Variants in COL23A1 observed in about 807,000 individuals in gnomAD.
COL23A1 encodes the protein collagen alpha-1(XXIII) chain.
In COL23A1, 97 loss-of-function variants were observed where a neutral mutation model predicts 99.3. The observed-to-expected ratio is 0.98, with a 90% confidence interval of 0.83 to 1.16. The LOEUF (loss-of-function observed/expected upper bound fraction) is 1.16. COL23A1 is among the 50% of genes most tolerant of loss of function. The probability of loss-of-function intolerance (pLI) is 0.00; values close to 1 mark genes in which losing one functional copy is unlikely to be tolerated. For missense variants in COL23A1, 762 were observed against 757.4 expected (o/e 1.01, Z -0.07); for synonymous variants, 320 against 308.2 (o/e 1.04, Z -0.40).
chr5:178,547,599 C>CCA (rs137877653), intron 2 of COL23A1, among the ~76,000 whole-genome samples: 11 of 8,002 alleles, frequency 1.4e-3, no homozygotes, highest in East Asian at 7.7e-3. Flanking sequence ...CCACAACCAC[C>CCA]CACACACACA....
chr5:178,272,739 C>T (rs1756361884), intron 5 of COL23A1, among the ~76,000 whole-genome samples: 1 of 152,160 alleles, frequency 6.6e-6, no homozygotes, highest in Admixed American at 6.5e-5. Context: ...GGCCCTGCCC[C>T]TTGTCCCCCT....
intron 2 of COL23A1, among the ~76,000 whole-genome samples, chr5:178,318,173 G>T (rs915661365): frequency 3.3e-5 from 5 of 152,374 alleles, no homozygotes; most frequent in African/African-American, 1.2e-4. Context: ...AGGCCCTCTT[G>T]TTCATGTTTC....
intron 2 of COL23A1, among the ~76,000 whole-genome samples, chr5:178,461,886 T>C (rs971629857): frequency 1.3e-5 from 2 of 152,166 alleles, no homozygotes; most frequent in Non-Finnish European, 2.9e-5. Context: ...ACACAGACAA[T>C]GAATTCTACA....
At chr5:178,549,543 C>T (rs958684660) in intron 2 of COL23A1, among the ~76,000 whole-genome samples, 9 of 152,182 alleles carry the variant, frequency 5.9e-5, no homozygotes, top group Non-Finnish European at 2.9e-5. Context: ...TGGCCAGGCA[C>T]GATGGCTCAT....
intron 4 of COL23A1, among the ~76,000 whole-genome samples, chr5:178,289,016 G>A (rs938184047): frequency 1.3e-5 from 2 of 152,016 alleles, no homozygotes; most frequent in African/African-American, 4.8e-5. Context: ...CCGGCGTTAG[G>A]TACTTCAGCA....
intron 2 of COL23A1, among the ~76,000 whole-genome samples, chr5:178,493,687 C>T (rs192397275): frequency 1.2e-4 from 18 of 152,346 alleles, no homozygotes; most frequent in African/African-American, 4.1e-4. Flanking sequence ...CATTCAGGCC[C>T]GGGTAGGCCA....
chr5:178,354,988 G>A (rs937470045), intron 2 of COL23A1, among the ~76,000 whole-genome samples: 2 of 151,752 alleles, frequency 1.3e-5, no homozygotes, highest in Non-Finnish European at 2.9e-5. Flanking sequence ...AAACCGGGAG[G>A]CGGAGGTTGC....
At chr5:178,275,614 T>C (rs1756539929) in intron 5 of COL23A1, among the ~76,000 whole-genome samples, 1 of 152,132 alleles carries the variant, frequency 6.6e-6, no homozygotes, top group South Asian at 2.1e-4. Context: ...TCGGAACTGT[T>C]TTCCTGCTGC....
Position 178,434,616 on chromosome 5 carries a change from C to A in COL23A1, c.361+126066G>T. Among the ~76,000 whole-genome samples the A allele has an allele frequency of 6.6e-6, 1 of 152,206 alleles. No homozygotes were observed. The highest frequency in any genetic ancestry group is 1.5e-5 in the Non-Finnish European group (1 of 68,042). On this transcript the variant is annotated intron_variant, in intron 2 of 28. Transcript: ENST00000390654. The surrounding 1 kb of genome is among the most constrained non-coding windows in gnomAD (Gnocchi z 4.3). Reference sequence around the variant, plus strand: ...CCCAGCTGGGCGCCTGGCCTTGCATCCCAGGTGGGTAATCTGGAGACAGTG... The same window carrying A: ...CCCAGCTGGGCGCCTGGCCTTGCATACCAGGTGGGTAATCTGGAGACAGTG...
chr5:178,350,148 C>T (rs966571109), intron 2 of COL23A1, among the ~76,000 whole-genome samples: 7 of 152,256 alleles, frequency 4.6e-5, no homozygotes, highest in African/African-American at 7.2e-5. Context: ...CACTTTCCCA[C>T]GCAGTCAGCT....
intron 2 of COL23A1, among the ~76,000 whole-genome samples, chr5:178,382,377 T>C (rs571091457): frequency 2.6e-5 from 4 of 152,148 alleles, no homozygotes; most frequent in African/African-American, 9.7e-5. Context: ...AGTGTTAATA[T>C]ATATGGACAG....
chr5:178,456,166 A>C (rs932565712), intron 2 of COL23A1, among the ~76,000 whole-genome samples: 7 of 152,210 alleles, frequency 4.6e-5, no homozygotes, highest in Non-Finnish European at 1.0e-4. Context: ...CCTTCCCTCA[A>C]CCTTGCCACC....
chr5:178,549,082 G>A (rs1007147009), intron 2 of COL23A1, among the ~76,000 whole-genome samples: 1 of 152,036 alleles, frequency 6.6e-6, no homozygotes, highest in African/African-American at 2.4e-5. Flanking sequence ...TGCAACCTCC[G>A]CTTCCCAGGT....
rs114450550 is a variant in COL23A1, at chr5:178,280,446, C to T, written c.441+7878G>A. ...GGGGCCAGGGACGTGCCTGAGGCCA[C>T]ATGGACTATAGACCCCTGGGCCCAT... On this transcript the variant is annotated intron_variant, in intron 5 of 28. Transcript: ENST00000390654. This position sits in a 1 kb window ranked among gnomAD's most constrained non-coding sequence, Gnocchi z 4.9. Among the ~76,000 whole-genome samples, 563 of 152,284 alleles carry T rather than the reference C, an allele frequency of 3.7e-3. 7 individuals carry two copies. The highest frequency in any genetic ancestry group is 0.013 in the African/African-American group (529 of 41,542).
At chr5:178,477,380 G>T (rs1013111872) in intron 2 of COL23A1, among the ~76,000 whole-genome samples, 3 of 152,166 alleles carry the variant, frequency 2.0e-5, no homozygotes, top group Admixed American at 2.0e-4. Flanking sequence ...CCCCACTGGA[G>T]TCACAGAATC....
chr5:178,293,546 G>C (rs1757576077), intron 3 of COL23A1, among the ~76,000 whole-genome samples: 1 of 152,176 alleles, frequency 6.6e-6, no homozygotes, highest in African/African-American at 2.4e-5. Context: ...GCAGCAGAAA[G>C]GGCCACGGGG....
rs990083873 is a variant in COL23A1, at chr5:178,306,718, A to C, written c.406+157T>G. On this transcript the variant is annotated intron_variant, in intron 3 of 28. Coordinates refer to ENST00000390654, the MANE Select transcript of COL23A1 (RefSeq NM_173465.4). This position sits in a 1 kb window ranked among gnomAD's most constrained non-coding sequence, Gnocchi z 4.1. The stretch of plus-strand genomic sequence containing the variant: ...AGGCAGTACTGGGTGCTGCGGCCTC[A>C]GGAAACGGCAGCTGGACTTGGAAGG... 6.6e-6 allele frequency among the ~76,000 whole-genome samples: 1 copy of C among 152,086 alleles called. No homozygotes were observed. The highest frequency in any genetic ancestry group is 2.4e-5 in the African/African-American group (1 of 41,396).
At chr5:178,581,766 A>G (rs1314990659) in intron 1 of COL23A1, among the ~76,000 whole-genome samples, 2 of 152,206 alleles carry the variant, frequency 1.3e-5, no homozygotes, top group Admixed American at 1.3e-4. Context: ...TTGATGGGAT[A>G]TGCAAGATTT....
chr5:178,518,565 TC>T (rs1321731472), intron 2 of COL23A1, among the ~76,000 whole-genome samples: 3 of 141,038 alleles, frequency 2.1e-5, no homozygotes, highest in Admixed American at 2.1e-4. Flanking sequence ...GCAGAGACGC[TC>T]CTCACCTCCC....
Sources: gnomAD v4.1 joint callset for allele counts (sites outside exome capture counted in the v4.1 genomes callset) on GRCh38, gnomAD v4.1.1 for gene constraint, Gnocchi (gnomAD v3.1) non-coding constraint, MANE v1.5 for transcripts, NCBI Gene and HGNC (gene_info 2026-07-23, HGNC 2026-07-21) for gene names.